CD247: variants seen among roughly 807,000 people sequenced by gnomAD.
CD247 encodes the protein CD247 molecule.
CD247 carries 13 observed loss-of-function variants against 30.0 expected under a neutral mutation model. That is an observed-to-expected ratio of 0.43 (90% CI 0.28 to 0.69). The LOEUF is 0.69. CD247 is among the 30% of genes least tolerant of loss of function. The probability of loss-of-function intolerance (pLI) is 0.16; values close to 1 mark genes in which losing one functional copy is unlikely to be tolerated. For synonymous variants in CD247, 72 were observed against 80.0 expected (o/e 0.90, Z 0.53); for missense variants, 193 against 212.6 (o/e 0.91, Z 0.57).
In CD247 at chr1:167,431,328, C is replaced by T. The variant is rs1342210812; in HGVS notation, c.*353G>A. On this transcript the variant is annotated 3_prime_UTR_variant, in exon 8 of 8. Transcript: ENST00000362089. ...ACATTAGGGCATGTGCTAGCATCTG[C>T]GCTTTCTCTGGGGACTTTACAAAAC... The T allele has an allele frequency of 1.0e-5, 6 of 589,282 alleles. No individual in the cohort carries two copies. Among genetic ancestry groups the T allele is most frequent in the Non-Finnish European group, 1.8e-5 (6 of 331,776 alleles). 36.5% of individuals were successfully genotyped at this position (589,282 alleles called of 1,614,324 possible). A position where few individuals can be genotyped will look rare whatever the true frequency, so the allele number is the denominator to read the frequency against.
At chr1:167,511,904 AG>A (rs1372020117) in intron 1 of CD247, among the ~76,000 whole-genome samples, 1 of 152,134 alleles carries the variant, frequency 6.6e-6, no homozygotes, top group African/African-American at 2.4e-5. Context: ...TATTTGCCAT[AG>A]GATGGTTATG....
At chr1:167,450,795 C>T (rs1464749545) in intron 1 of CD247, among the ~76,000 whole-genome samples, 1 of 151,732 alleles carries the variant, frequency 6.6e-6, no homozygotes, top group Non-Finnish European at 1.5e-5. Flanking sequence ...TGCCTGTAGT[C>T]CCAGCTACTC....
chr1:167,503,176 C>G (rs1571594193), intron 1 of CD247, among the ~76,000 whole-genome samples: 2 of 152,308 alleles, frequency 1.3e-5, no homozygotes, highest in African/African-American at 4.8e-5. Flanking sequence ...TGCGTCTGCT[C>G]CTGCCGGTAT....
chr1:167,469,709 G>A (rs1192461361), intron 1 of CD247, among the ~76,000 whole-genome samples: 3 of 151,968 alleles, frequency 2.0e-5, no homozygotes, highest in East Asian at 1.9e-4. Flanking sequence ...TGAGGTTCTA[G>A]AATAAATATG....
chr1:167,511,369 C>T (rs538126076), intron 1 of CD247, among the ~76,000 whole-genome samples: 6 of 152,122 alleles, frequency 3.9e-5, no homozygotes, highest in Non-Finnish European at 7.4e-5. Flanking sequence ...GGGTGGTGAG[C>T]GGTGTGCATA....
intron 1 of CD247, among the ~76,000 whole-genome samples, chr1:167,516,861 A>G (rs1655626582): frequency 6.6e-6 from 1 of 152,104 alleles, no homozygotes. Flanking sequence ...ACCGCCACCC[A>G]ACAATCTTTC....
chr1:167,440,847 C>G, intron 1 of CD247, 80 bp from the exon 2 acceptor site: 1 of 830,104 alleles, frequency 1.2e-6, no homozygotes, highest in Non-Finnish European at 2.0e-6. Flanking sequence ...GGCACTAGGA[C>G]TGACTGACCA....
intron 2 of CD247, chr1:167,440,440 G>T: frequency 1.7e-6 from 1 of 598,312 alleles, no homozygotes. Flanking sequence ...TGTCATGGAG[G>T]TGCCTAGCAC....
At chr1:167,451,352 G>T (rs534397539) in intron 1 of CD247, among the ~76,000 whole-genome samples, 1 of 152,300 alleles carries the variant, frequency 6.6e-6, no homozygotes, top group African/African-American at 2.4e-5. Flanking sequence ...AACAAGGCAA[G>T]GTTCACAGTT....
intron 1 of CD247, among the ~76,000 whole-genome samples, chr1:167,495,960 A>G (rs923687288): frequency 1.3e-5 from 2 of 152,086 alleles, no homozygotes; most frequent in African/African-American, 4.8e-5. Flanking sequence ...TATCACAACT[A>G]TCTACATATT....
At chr1:167,474,589 C>T (rs543681462) in intron 1 of CD247, among the ~76,000 whole-genome samples, 1 of 152,016 alleles carries the variant, frequency 6.6e-6, no homozygotes, top group African/African-American at 2.4e-5. Context: ...GAAGGAAATG[C>T]ACACAAATGG....
intron 1 of CD247, among the ~76,000 whole-genome samples, chr1:167,477,783 C>A: frequency 6.6e-6 from 1 of 152,230 alleles, no homozygotes; most frequent in Non-Finnish European, 1.5e-5. Context: ...CCCGCCTTGG[C>A]CTCCCAAAGT....
At chr1:167,482,346 C>T (rs1384465052) in intron 1 of CD247, among the ~76,000 whole-genome samples, 1 of 152,236 alleles carries the variant, frequency 6.6e-6, no homozygotes, top group Non-Finnish European at 1.5e-5. Flanking sequence ...GGCGGGTCTT[C>T]CCTCACCAAC....
At chr1:167,457,137 C>T (rs2102021867) in intron 1 of CD247, among the ~76,000 whole-genome samples, 1 of 152,304 alleles carries the variant, frequency 6.6e-6, no homozygotes, top group African/African-American at 2.4e-5. Context: ...TGCTTTAGCG[C>T]TAGGAGCTGG....
chr1:167,432,913 G>T, intron 7 of CD247, 111 bp downstream of exon 7: 2 of 1,203,818 alleles, frequency 1.7e-6, no homozygotes, highest in African/African-American at 1.5e-5. Context: ...GGCTTGCCCT[G>T]CCCAGCTGTT....
intron 1 of CD247, among the ~76,000 whole-genome samples, chr1:167,476,651 C>T (rs1653760325): frequency 6.6e-6 from 1 of 152,222 alleles, no homozygotes; most frequent in Admixed American, 6.5e-5. Flanking sequence ...AGTGAAACCC[C>T]ATCTCTACAA....
intron 1 of CD247, among the ~76,000 whole-genome samples, chr1:167,456,821 A>G (rs1324305224): frequency 6.6e-6 from 1 of 152,242 alleles, no homozygotes; most frequent in Non-Finnish European, 1.5e-5. Context: ...CTCTTCTGTC[A>G]GAGAAGCACC....
At chr1:167,447,789 G>T (rs1419580026) in intron 1 of CD247, among the ~76,000 whole-genome samples, 1 of 152,162 alleles carries the variant, frequency 6.6e-6, no homozygotes, top group Non-Finnish European at 1.5e-5. Flanking sequence ...CCAGGTAGGA[G>T]TGGCCAGCTT....
rs556778840 is a variant in CD247 at position 167,471,149 on chromosome 1, G to A, written c.59-30382C>T. 2.9e-3 allele frequency among the ~76,000 whole-genome samples: 441 copies of A among 152,214 alleles called. 1 individual carries two copies. The highest frequency in any genetic ancestry group is 9.9e-3 in the African/African-American group (411 of 41,536). ...GCTTCCCAAAGTGCTGGGATTATAG[G>A]TATGAGCCACTGCGCTCAGCGTGAT... is the stretch of plus-strand genomic sequence containing the variant. On this transcript the variant is annotated intron_variant, in intron 1 of 7. Transcript: ENST00000362089.
Sources: gnomAD v4.1 joint callset for allele counts (sites outside exome capture counted in the v4.1 genomes callset) on GRCh38, gnomAD v4.1.1 for gene constraint, MANE v1.5 for transcripts, NCBI Gene and HGNC (gene_info 2026-07-23, HGNC 2026-07-21) for gene names.